GPT2: variants seen among roughly 807,000 people sequenced by gnomAD.
GPT2 encodes the protein glutamic--pyruvic transaminase 2.
A neutral mutation model predicts 56.9 loss-of-function variants in GPT2; 30 were observed. The observed-to-expected ratio is 0.53, with a 90% CI of 0.39 to 0.72. GPT2 has a LOEUF of 0.72. Among genes scored for constraint, GPT2 ranks in the 30% least tolerant of loss-of-function variants. The probability of loss-of-function intolerance (pLI) is 0.00; values close to 1 mark genes in which losing one functional copy is unlikely to be tolerated. For synonymous variants in GPT2, 271 were observed against 283.1 expected (o/e 0.96, Z 0.43); for missense variants, 542 against 703.4 (o/e 0.77, Z 2.60).
intron 6 of GPT2, among the ~76,000 whole-genome samples, chr16:46,913,758 G>GTA (rs996728944): frequency 9.9e-5 from 15 of 151,952 alleles, no homozygotes; most frequent in East Asian, 1.9e-4. Flanking sequence ...ATATATGTAT[G>GTA]TATATATATA....
At chr16:46,903,384 C>G (rs148879915) in intron 4 of GPT2, among the ~76,000 whole-genome samples, 5 of 152,004 alleles carry the variant, frequency 3.3e-5, no homozygotes, top group Admixed American at 2.0e-4. Flanking sequence ...TCATAGCTCA[C>G]TGTAACCTTG....
In GPT2 at chr16:46,929,634, A is replaced by C. The variant is rs1961494322; in HGVS notation, c.*637A>C. On this transcript the variant is annotated 3_prime_UTR_variant, in exon 12 of 12. Transcript: ENST00000340124. ...GAGGCGTGGGTGTGAGCCAGGCTGC[A>C]GGAGGAACTGGGCCTCCGCTTCCCA... The C allele has an allele frequency of 6.6e-6, 1 of 152,470 alleles. No individual in the cohort carries two copies. Among genetic ancestry groups the C allele is most frequent in the African/African-American group, 2.4e-5 (1 of 41,476 alleles). The allele number at this position is 152,470 out of a possible 1,614,324, so 9.4% of individuals were successfully genotyped here. A position where few individuals can be genotyped will look rare whatever the true frequency, so the allele number is the denominator to read the frequency against.
chr16:46,908,606 A>G (rs1960983294), intron 5 of GPT2, among the ~76,000 whole-genome samples: 1 of 152,100 alleles, frequency 6.6e-6, no homozygotes, highest in Admixed American at 6.5e-5. Context: ...ATTGGAGCCC[A>G]TGGGAAATGG....
intron 6 of GPT2, chr16:46,916,180 C>G (rs1961156921): frequency 6.4e-6 from 1 of 155,312 alleles, no homozygotes. Context: ...AACCCCGTCT[C>G]TACTAAAAAT....
intron 6 of GPT2, 149 bp from the exon 7 acceptor site, chr16:46,916,479 G>T: frequency 1.5e-6 from 1 of 688,656 alleles, no homozygotes. Flanking sequence ...ATCATGCATG[G>T]CAGCTGGGGA....
At chr16:46,924,943 G>A (rs1462717730) in intron 10 of GPT2, among the ~76,000 whole-genome samples, 1 of 149,728 alleles carries the variant, frequency 6.7e-6, no homozygotes, top group African/African-American at 2.5e-5. Context: ...TTTCCTTTTT[G>A]TGGAGAACGG....
intron 4 of GPT2, among the ~76,000 whole-genome samples, chr16:46,905,002 C>G (rs1960891061): frequency 6.6e-6 from 1 of 151,528 alleles, no homozygotes; most frequent in Non-Finnish European, 1.5e-5. Flanking sequence ...TACAGCTGTG[C>G]AGAGCCCAAT....
At chr16:46,906,235 G>T (rs1960923407) in intron 4 of GPT2, among the ~76,000 whole-genome samples, 2 of 152,072 alleles carry the variant, frequency 1.3e-5, no homozygotes, top group African/African-American at 4.8e-5. Flanking sequence ...ACCACACCTG[G>T]CTGATTTTGT....
rs895570793 is a variant in GPT2 at position 46,885,469 on chromosome 16, T to C, written c.243+511T>C. On this transcript the variant is annotated intron_variant, in intron 2 of 11. Transcript: ENST00000340124. ...TTCTCCGTGTCTTTGGCCTTTAGGG[T>C]CTTTGCCAATCCTGATTCCCGGAAG... 5 of 985,258 alleles carry C rather than the reference T, an allele frequency of 5.1e-6. No homozygotes were observed. In the African/African-American group the frequency reaches 8.7e-5, roughly 17 times the overall value. 61.0% of individuals were successfully genotyped at this position (985,258 alleles called of 1,614,324 possible).
At chr16:46,907,396 T>A (rs2143459362) in intron 5 of GPT2, among the ~76,000 whole-genome samples, 2 of 152,304 alleles carry the variant, frequency 1.3e-5, no homozygotes, top group Non-Finnish European at 2.9e-5. Flanking sequence ...GCTTTTAGTT[T>A]CTCTTCTGCA....
At chr16:46,892,606 T>C (rs1044379618) in intron 2 of GPT2, among the ~76,000 whole-genome samples, 2 of 152,244 alleles carry the variant, frequency 1.3e-5, no homozygotes, top group African/African-American at 4.8e-5. Flanking sequence ...TTTGAACTTT[T>C]TATAATAACC....
intron 9 of GPT2, 109 bp from the exon 10 acceptor site, chr16:46,924,280 A>G (rs747495752): frequency 7.9e-7 from 1 of 1,267,542 alleles, no homozygotes; most frequent in Non-Finnish European, 1.1e-6. Flanking sequence ...TCAAAGCTGG[A>G]GCAAAGTCAT....
At chr16:46,925,738 C>T (rs928544474) in intron 10 of GPT2, among the ~76,000 whole-genome samples, 2 of 152,004 alleles carry the variant, frequency 1.3e-5, no homozygotes, top group Admixed American at 6.6e-5. Flanking sequence ...GTGGGAGGAT[C>T]GCCTGAGCCT....
rs1056015528 is a variant in GPT2 at position 46,913,491 on chromosome 16, C to T, written c.821-3137C>T. Among the ~76,000 whole-genome samples the T allele has an allele frequency of 1.1e-4, 16 of 152,314 alleles. No homozygotes were observed. The East Asian group carries it at 2.9e-3, about 28-fold the overall frequency. ...AAGCTGGGGCCTGCCACCCTCCTGG[C>T]ATCCCAGAACCCTGAGCTTTTTAAA... On this transcript the variant is annotated intron_variant, in intron 6 of 11. Transcript: ENST00000340124.
At chr16:46,921,623 G>A (rs1961289859) in intron 8 of GPT2, among the ~76,000 whole-genome samples, 1 of 152,200 alleles carries the variant, frequency 6.6e-6, no homozygotes, top group Non-Finnish European at 1.5e-5. Flanking sequence ...ACACACCAGA[G>A]AAGGAGATGT....
At chr16:46,896,007 C>T (rs150107045) in intron 2 of GPT2, among the ~76,000 whole-genome samples, 3 of 152,330 alleles carry the variant, frequency 2.0e-5, no homozygotes, top group African/African-American at 7.2e-5. Flanking sequence ...GGAGACAGGA[C>T]AAAGGCCAGG....
At chr16:46,890,644 T>C (rs542355062) in intron 2 of GPT2, among the ~76,000 whole-genome samples, 21 of 152,292 alleles carry the variant, frequency 1.4e-4, no homozygotes, top group Non-Finnish European at 2.6e-4. Context: ...ACAAATATAA[T>C]TGACAAAGAA....
At chr16:46,891,344 G>A (rs1567332682) in intron 2 of GPT2, among the ~76,000 whole-genome samples, 2 of 152,036 alleles carry the variant, frequency 1.3e-5, no homozygotes, top group Non-Finnish European at 2.9e-5. Context: ...CCGGGTTCAG[G>A]TGATTCTCTT....
At chr16:46,923,907 C>A (rs1362423896) in intron 9 of GPT2, 1 of 284,010 alleles carries the variant, frequency 3.5e-6, no homozygotes, top group Non-Finnish European at 6.9e-6. Flanking sequence ...TGACAGGCAA[C>A]AACTGGTTTT....
Sources: allele counts gnomAD v4.1 joint callset (sites outside exome capture counted in the v4.1 genomes callset), GRCh38; gene constraint gnomAD v4.1.1; transcripts MANE v1.5; gene names NCBI Gene and HGNC (gene_info 2026-07-23, HGNC 2026-07-21).